ZHX3: variants seen among roughly 807,000 people sequenced by gnomAD.
ZHX3 encodes the protein zinc fingers and homeoboxes protein 3.
A neutral mutation model predicts 64.5 loss-of-function variants in ZHX3; 20 were observed. The observed-to-expected ratio is 0.31, with a 90% CI of 0.22 to 0.45. ZHX3 has a LOEUF of 0.45. ZHX3 is among the 20% of genes least tolerant of loss of function. The pLI, the probability that ZHX3 is intolerant of heterozygous loss-of-function variation, is 1.00. For missense variants in ZHX3, 1,041 were observed against 1,195.8 expected (o/e 0.87, Z 1.91); for synonymous variants, 423 against 461.6 (o/e 0.92, Z 1.07).
In ZHX3 at chr20:41,203,082, G is replaced by A. The variant is rs551598979; in HGVS notation, c.1835C>T (p.Thr612Ile). 1.2e-6 allele frequency: 2 copies of A among 1,614,160 alleles called. No individual in the cohort carries two copies. Among genetic ancestry groups the A allele is most frequent in the East Asian group, 2.2e-5 (1 of 44,880 alleles). ...GGCTCTCTCCTTGTATTTGGTTGGTGTGAAGTCAGGAGTCTGGTGCCAAGA... is the reference window on the plus strand; with the variant it reads ...GGCTCTCTCCTTGTATTTGGTTGGTATGAAGTCAGGAGTCTGGTGCCAAGA... ...RQSWHQTPDF[T>I]PTKYKERAPE... The change falls in exon 3 of 4, where the codon ACA becomes ATA. Residue 612 changes from threonine to isoleucine, a missense_variant. Thr to Ile is a moderately conservative substitution (Grantham distance 89). Coordinates refer to ENST00000683867, the MANE Select transcript of ZHX3 (RefSeq NM_001384317.1). This position sits in a 1 kb window ranked among gnomAD's most constrained non-coding sequence, Gnocchi z 7.1.
In ZHX3 at chr20:41,224,430, T is replaced by C. The variant is rs542105633; in HGVS notation, c.-150-19364A>G. 1.3e-5 allele frequency among the ~76,000 whole-genome samples: 2 copies of C among 152,350 alleles called. No individual in the cohort carries two copies. The highest frequency in any genetic ancestry group is 2.9e-5 in the Non-Finnish European group (2 of 68,036). On this transcript the variant is annotated intron_variant, in intron 2 of 3. Transcript: ENST00000683867. The surrounding 1 kb of genome is among the most constrained non-coding windows in gnomAD (Gnocchi z 5.2). ...CTGAATTCATTGCACATTCTCTCTATACATTCTAATTTGTCTGCATTTCTC... is the reference window on the plus strand; with the variant it reads ...CTGAATTCATTGCACATTCTCTCTACACATTCTAATTTGTCTGCATTTCTC...
chr20:41,226,642 G>C lies in ZHX3; in HGVS notation c.-150-21576C>G, dbSNP rs1424874934. ...TCATCAATTCGTCTTTACCTTTTTTGATCCTGTCATCAAATTATCTTCCTC... is the reference window on the plus strand; with the variant it reads ...TCATCAATTCGTCTTTACCTTTTTTCATCCTGTCATCAAATTATCTTCCTC... On this transcript the variant is annotated intron_variant, in intron 2 of 3. Transcript: ENST00000683867. The surrounding 1 kb of genome is among the most constrained non-coding windows in gnomAD (Gnocchi z 4.4). Among the ~76,000 whole-genome samples the C allele has an allele frequency of 6.6e-6, 1 of 152,008 alleles. No individual in the cohort carries two copies. Among genetic ancestry groups the C allele is most frequent in the Non-Finnish European group, 1.5e-5 (1 of 68,000 alleles).
chr20:41,199,345 T>C (rs2038026730), intron 3 of ZHX3, among the ~76,000 whole-genome samples: 1 of 152,192 alleles, frequency 6.6e-6, no homozygotes, highest in Non-Finnish European at 1.5e-5. Flanking sequence ...GAGTATTACA[T>C]TGTGGTAACT....
At position 41,179,248 on chromosome 20, in the gene ZHX3, A is replaced by C. The variant is rs1600686472; in HGVS notation, c.*5943T>G. On this transcript the variant is annotated 3_prime_UTR_variant, in exon 4 of 4. Transcript: ENST00000683867. The surrounding 1 kb of genome is among the most constrained non-coding windows in gnomAD (Gnocchi z 4.3). The stretch of plus-strand genomic sequence containing the variant: ...ACTTCTGAACAAAGCAACTGCTCAG[A>C]AGCACAGCGGGAACCCTCTACACAG... 6.6e-6 allele frequency: 1 copy of C among 152,316 alleles called. No individual in the cohort carries two copies. Among genetic ancestry groups the C allele is most frequent in the East Asian group, 1.9e-4 (1 of 5,180 alleles). 9.4% of individuals were successfully genotyped at this position (152,316 alleles called of 1,614,324 possible).
intron 3 of ZHX3, among the ~76,000 whole-genome samples, chr20:41,187,966 G>A (rs1248851205): frequency 2.0e-5 from 3 of 152,066 alleles, no homozygotes; most frequent in Admixed American, 6.5e-5. Flanking sequence ...ACAATATGTT[G>A]TTGCTAACCA....
chr20:41,285,912 C>T (rs113032913), intron 1 of ZHX3, among the ~76,000 whole-genome samples: 2 of 152,238 alleles, frequency 1.3e-5, no homozygotes, highest in African/African-American at 2.4e-5. Context: ...GCATAGTATG[C>T]CTAGTACAGA....
intron 1 of ZHX3, among the ~76,000 whole-genome samples, chr20:41,292,954 G>A (rs1021846285): frequency 6.6e-6 from 1 of 152,238 alleles, no homozygotes; most frequent in African/African-American, 2.4e-5. Context: ...CATACACAGA[G>A]GTGTGCCACC....
intron 2 of ZHX3, among the ~76,000 whole-genome samples, chr20:41,218,571 G>C (rs1213030166): frequency 6.6e-6 from 1 of 152,100 alleles, no homozygotes; most frequent in Non-Finnish European, 1.5e-5. Context: ...TATTAATAGA[G>C]AACTCTTTTA....
chr20:41,264,528 C>T (rs1178232867), intron 2 of ZHX3, among the ~76,000 whole-genome samples: 5 of 142,830 alleles, frequency 3.5e-5, no homozygotes, highest in South Asian at 2.2e-4. Context: ...CACTGCACTC[C>T]AGCCTGGGCA....
chr20:41,253,936 A>G (rs1310005796), intron 2 of ZHX3, among the ~76,000 whole-genome samples: 1 of 151,674 alleles, frequency 6.6e-6, no homozygotes, highest in Non-Finnish European at 1.5e-5. Flanking sequence ...GAAATTTTTC[A>G]TAATAAAATG....
chr20:41,289,147 T>C (rs1352493594), intron 1 of ZHX3, among the ~76,000 whole-genome samples: 1 of 151,866 alleles, frequency 6.6e-6, no homozygotes, highest in Non-Finnish European at 1.5e-5. Flanking sequence ...ATTCATGTCA[T>C]GTCCAGTTAA....
intron 1 of ZHX3, among the ~76,000 whole-genome samples, chr20:41,311,135 A>C (rs1401621684): frequency 6.6e-6 from 1 of 152,188 alleles, no homozygotes; most frequent in Non-Finnish European, 1.5e-5. Context: ...TATAAATTCA[A>C]AACTACGGTC....
chr20:41,207,604 T>A (rs183773658), intron 2 of ZHX3, among the ~76,000 whole-genome samples: 3,201 of 115,172 alleles, frequency 0.028, no homozygotes, highest in South Asian at 0.039. Flanking sequence ...ACTGGGTACA[T>A]AACGAAATGA....
chr20:41,315,374 T>A (rs943596803), intron 1 of ZHX3, among the ~76,000 whole-genome samples: 24 of 104,334 alleles, frequency 2.3e-4, no homozygotes, highest in African/African-American at 8.7e-4. Flanking sequence ...TTTTTTTTTT[T>A]AGTAGAGACG....
intron 1 of ZHX3, among the ~76,000 whole-genome samples, chr20:41,287,904 T>G (rs569203500): frequency 6.6e-6 from 1 of 152,254 alleles, no homozygotes; most frequent in South Asian, 2.1e-4. Flanking sequence ...ATAGATAATA[T>G]ACTCTCATGT....
At position 41,185,214 on chromosome 20, in the gene ZHX3, C is replaced by A. The variant is rs748255757; in HGVS notation, c.2861-13G>T. The A allele has an allele frequency of 7.5e-6, 12 of 1,602,192 alleles. No homozygotes were observed. The highest frequency in any genetic ancestry group is 1.7e-5 in the Admixed American group (1 of 59,266). ...ATTCAGTCTGTTTCTGAGAAGAAAA[C>A]ACATGCCTGTCACTCTACGGCAGCT... On this transcript the variant is annotated splice_polypyrimidine_tract_variant and intron_variant, in intron 3 of 3. Coordinates refer to ENST00000683867, the MANE Select transcript of ZHX3 (RefSeq NM_001384317.1). The surrounding 1 kb of genome is among the most constrained non-coding windows in gnomAD (Gnocchi z 5.0).
chr20:41,257,130 G>A (rs2042299308), intron 2 of ZHX3, among the ~76,000 whole-genome samples: 1 of 152,184 alleles, frequency 6.6e-6, no homozygotes, highest in Non-Finnish European at 1.5e-5. Context: ...CCAGAAGATT[G>A]TGTGGTCACC....
At chr20:41,242,168 A>C (rs1333861339) in intron 2 of ZHX3, among the ~76,000 whole-genome samples, 2 of 152,174 alleles carry the variant, frequency 1.3e-5, no homozygotes, top group South Asian at 2.1e-4. Context: ...AAATTATAGG[A>C]TGTCAGGCAC....
chr20:41,222,624 T>C (rs2051824267), intron 2 of ZHX3, among the ~76,000 whole-genome samples: 1 of 152,150 alleles, frequency 6.6e-6, no homozygotes, highest in African/African-American at 2.4e-5. Context: ...AAGAGCCAAG[T>C]AGTTAGAAAT....
Sources: gnomAD v4.1 joint callset for allele counts (sites outside exome capture counted in the v4.1 genomes callset) on GRCh38, gnomAD v4.1.1 for gene constraint, Gnocchi (gnomAD v3.1) non-coding constraint, MANE v1.5 for transcripts, NCBI Gene and HGNC (gene_info 2026-07-23, HGNC 2026-07-21) for gene names.